SEM1: variants seen among roughly 807,000 people sequenced by gnomAD.
SEM1 encodes 26S proteasome complex subunit SEM1.
Under a neutral mutation model 12.7 loss-of-function variants are expected in SEM1, and 3 were observed. The observed-to-expected ratio is 0.24, with a 90% CI of 0.11 to 0.61. The LOEUF is 0.61. Ranked by LOEUF, SEM1 falls within the 20% of genes least tolerant of loss-of-function variation. SEM1 has a pLI of 0.88. For missense variants in SEM1, 59 were observed against 81.3 expected (o/e 0.73, Z 1.06); for synonymous variants, 30 against 27.8 (o/e 1.08, Z -0.25).
intron 2 of SEM1, among the ~76,000 whole-genome samples, chr7:96,607,700 T>C (rs1184542764): frequency 6.6e-6 from 1 of 152,204 alleles, no homozygotes; most frequent in Non-Finnish European, 1.5e-5. Context: ...GTCATGGAGA[T>C]ACTCTCTTCC....
intron 2 of SEM1, among the ~76,000 whole-genome samples, chr7:96,614,570 C>T (rs889517109): frequency 1.1e-4 from 16 of 152,232 alleles, no homozygotes; most frequent in Middle Eastern, 3.4e-3. Context: ...AAGCTATAGC[C>T]GAAAACAGTA....
intron 2 of SEM1, among the ~76,000 whole-genome samples, chr7:96,657,328 T>A (rs1009435329): frequency 6.6e-6 from 1 of 152,208 alleles, no homozygotes; most frequent in African/African-American, 2.4e-5. Flanking sequence ...AAGGATAAAG[T>A]GCTTTCAGGG....
intron 2 of SEM1, among the ~76,000 whole-genome samples, chr7:96,553,751 TG>T (rs1248353864): frequency 1.3e-5 from 2 of 152,168 alleles, no homozygotes; most frequent in Non-Finnish European, 2.9e-5. Flanking sequence ...GGTAGCTTGA[TG>T]GGGATGACAT....
intron 2 of SEM1, chr7:96,656,375 T>A (rs946348639): frequency 6.6e-6 from 1 of 152,086 alleles, no homozygotes; most frequent in African/African-American, 2.4e-5. Flanking sequence ...CCAGCTTCCA[T>A]CTTGCAGCCT....
intron 2 of SEM1, among the ~76,000 whole-genome samples, chr7:96,518,235 T>G (rs1379645242): frequency 1.3e-5 from 2 of 152,172 alleles, no homozygotes; most frequent in African/African-American, 4.8e-5. Context: ...ATATTATTCT[T>G]ACTCAAATTC....
chr7:96,500,124 T>C (rs767610220), upstream of SEM1, among the ~76,000 whole-genome samples: 23 of 152,138 alleles, frequency 1.5e-4, 1 homozygote, highest in Non-Finnish European at 1.5e-5. Flanking sequence ...AATAGGAGTT[T>C]AAGAACCCTT....
chr7:96,584,771 G>A (rs184512240), intron 2 of SEM1, among the ~76,000 whole-genome samples: 1 of 151,980 alleles, frequency 6.6e-6, no homozygotes, highest in Admixed American at 6.6e-5. Flanking sequence ...GGCTCCTGAG[G>A]CTTCTGCATT....
downstream of SEM1, among the ~76,000 whole-genome samples, chr7:96,670,069 T>G (rs1789273566): frequency 6.6e-6 from 1 of 152,314 alleles, no homozygotes; most frequent in Non-Finnish European, 1.5e-5. Flanking sequence ...CTTCAAGGTA[T>G]ATCATTGAAA....
intron 2 of SEM1, among the ~76,000 whole-genome samples, chr7:96,634,421 C>T (rs1033300243): frequency 1.3e-5 from 2 of 151,834 alleles, no homozygotes; most frequent in Non-Finnish European, 1.5e-5. Context: ...TAGCCTATGT[C>T]ACATTCATTC....
intron 1 of SEM1, among the ~76,000 whole-genome samples, chr7:96,704,827 A>C (rs1430949308): frequency 6.6e-6 from 1 of 152,198 alleles, no homozygotes; most frequent in Non-Finnish European, 1.5e-5. Context: ...TTAAGATTCT[A>C]AGGAATCCTC....
chr7:96,582,679 C>A (rs1445674780), intron 2 of SEM1, among the ~76,000 whole-genome samples: 4 of 152,386 alleles, frequency 2.6e-5, no homozygotes, highest in Non-Finnish European at 4.4e-5. Flanking sequence ...AGAGATTCAA[C>A]TTCTTCCTGG....
intron 2 of SEM1, among the ~76,000 whole-genome samples, chr7:96,527,364 T>C (rs1230949689): frequency 6.6e-6 from 1 of 152,226 alleles, no homozygotes; most frequent in Non-Finnish European, 1.5e-5. Context: ...TTCTAATTTC[T>C]CTGGTTCCCA....
chr7:96,704,142 A>G (rs1563121220), intron 1 of SEM1, among the ~76,000 whole-genome samples: 1 of 152,164 alleles, frequency 6.6e-6, no homozygotes, highest in African/African-American at 2.4e-5. Flanking sequence ...CCTGAGATAC[A>G]TTAAATAATA....
chr7:96,685,899 G>A (rs1789748679), downstream of SEM1, among the ~76,000 whole-genome samples: 1 of 151,936 alleles, frequency 6.6e-6, no homozygotes. Flanking sequence ...CTGTTAATAG[G>A]CTGTTCTGAA....
At chr7:96,669,849 C>T (rs1158557751), downstream of SEM1, among the ~76,000 whole-genome samples, 1 of 152,066 alleles carries the variant, frequency 6.6e-6, no homozygotes, top group African/African-American at 2.4e-5. Flanking sequence ...AATAGTAGCA[C>T]AAATATTAAT....
Position 96,610,723 on chromosome 7 carries a change from G to T in SEM1, c.170+84075C>A, listed in dbSNP as rs552035004. Among the ~76,000 whole-genome samples the T allele has an allele frequency of 5.9e-5, 9 of 152,302 alleles. 1 individual carries two copies. In the South Asian group the frequency reaches 1.9e-3, roughly 32 times the overall value. ...TCAATGGCTTAAGTGGTTCAGAAAGGTTACCAGAGTCTACAATCTTTTGCA... is the reference window on the plus strand; with the variant it reads ...TCAATGGCTTAAGTGGTTCAGAAAGTTTACCAGAGTCTACAATCTTTTGCA... On this transcript the variant is annotated intron_variant and NMD_transcript_variant, in intron 2 of 3. Transcript: ENST00000466986.
At chr7:96,583,679 A>G (rs1361417574) in intron 2 of SEM1, among the ~76,000 whole-genome samples, 1 of 150,572 alleles carries the variant, frequency 6.6e-6, no homozygotes, top group Non-Finnish European at 1.5e-5. Flanking sequence ...ATATATATTT[A>G]GGATGGTTAG....
chr7:96,579,344 G>T (rs778831001), intron 2 of SEM1, among the ~76,000 whole-genome samples: 3 of 152,182 alleles, frequency 2.0e-5, no homozygotes, highest in Non-Finnish European at 4.4e-5. Context: ...CTGTAAGCTT[G>T]TTTATGGCTT....
intron 2 of SEM1, among the ~76,000 whole-genome samples, chr7:96,666,479 T>C (rs1422832684): frequency 6.6e-6 from 1 of 152,010 alleles, no homozygotes; most frequent in East Asian, 1.9e-4. Flanking sequence ...TATAAAGAGA[T>C]AGTATAACAT....
Sources: allele counts gnomAD v4.1 joint callset (sites outside exome capture counted in the v4.1 genomes callset), GRCh38; gene constraint gnomAD v4.1.1; transcripts MANE v1.5; gene names NCBI Gene and HGNC (gene_info 2026-07-23, HGNC 2026-07-21).